The following IL1RAPL2 variants were observed in gnomAD, a reference collection of about 807,000 sequenced individuals.
IL1RAPL2 encodes the protein X-linked interleukin-1 receptor accessory protein-like 2.
IL1RAPL2 carries 3 observed loss-of-function variants against 44.1 expected under a neutral mutation model. The observed-to-expected ratio is 0.07, with a 90% confidence interval of 0.03 to 0.18. The LOEUF (loss-of-function observed/expected upper bound fraction) is 0.18. IL1RAPL2 is among the 10% of genes least tolerant of loss of function. The pLI is 1.00. For missense variants in IL1RAPL2, 391 were observed against 496.4 expected, an observed-to-expected ratio of 0.79 and a Z score of 2.02; for synonymous variants, 181 against 178.8, an observed-to-expected ratio of 1.01 and a Z score of -0.10.
At chrX:104,851,611 C>T (rs1430535561) in intron 2 of IL1RAPL2, among the ~76,000 whole-genome samples, 1 of 111,777 alleles carries the variant, frequency 8.9e-6, no homozygotes, top group Non-Finnish European at 1.9e-5. Flanking sequence ...TCAGTCATTG[C>T]TGCATTCAAT....
intron 2 of IL1RAPL2, among the ~76,000 whole-genome samples, chrX:104,664,200 A>G (rs2148025659): frequency 9.0e-6 from 1 of 110,720 alleles, no homozygotes; most frequent in South Asian, 3.9e-4. Flanking sequence ...TCCATTATCA[A>G]CTCTGTAGTG....
At chrX:104,990,628 T>A (rs1418228495) in intron 2 of IL1RAPL2, among the ~76,000 whole-genome samples, 1 of 111,799 alleles carries the variant, frequency 8.9e-6, no homozygotes, top group Non-Finnish European at 1.9e-5. Context: ...AAGGTAATCT[T>A]GTAATGCTTT....
At chrX:104,642,666 T>C (rs1236656244) in intron 1 of IL1RAPL2, among the ~76,000 whole-genome samples, 1 of 110,771 alleles carries the variant, frequency 9.0e-6, no homozygotes, top group Admixed American at 9.6e-5. Context: ...TTGTATTTTT[T>C]AGTAGAGACA....
intron 2 of IL1RAPL2, among the ~76,000 whole-genome samples, chrX:104,861,710 TG>T (rs940445116): frequency 9.0e-6 from 1 of 111,700 alleles, no homozygotes; most frequent in Non-Finnish European, 1.9e-5. Flanking sequence ...GCATAGTATT[TG>T]CATATAACCC....
chrX:104,827,569 A>T lies in IL1RAPL2; in HGVS notation c.82+168574A>T, dbSNP rs757343597. On this transcript the variant is annotated intron_variant, in intron 2 of 10. Coordinates refer to ENST00000372582, the MANE Select transcript of IL1RAPL2 (RefSeq NM_017416.2). ...GGCTGCTCTTAACATTTTTTCCTTC[A>T]TTTCGACCTTGGTGAATCTGACAAT... Among the ~76,000 whole-genome samples, 308 of 110,268 alleles carry T rather than the reference A, an allele frequency of 2.8e-3. 1 individual carries two copies. Among genetic ancestry groups the T allele is most frequent in the African/African-American group, 9.6e-3 (291 of 30,281 alleles).
At chrX:105,082,880 A>G (rs916803031) in intron 2 of IL1RAPL2, among the ~76,000 whole-genome samples, 6 of 111,349 alleles carry the variant, frequency 5.4e-5, no homozygotes, top group Non-Finnish European at 1.1e-4. Context: ...TCCAAAAACC[A>G]GAATACCTCT....
intron 5 of IL1RAPL2, among the ~76,000 whole-genome samples, chrX:105,383,871 T>C: frequency 8.9e-6 from 1 of 111,847 alleles, no homozygotes; most frequent in Admixed American, 9.5e-5. Flanking sequence ...ATGTGGAAAA[T>C]TTTTTTCATA....
intron 5 of IL1RAPL2, among the ~76,000 whole-genome samples, chrX:105,275,467 G>C (rs939466975): frequency 3.6e-5 from 4 of 111,558 alleles, no homozygotes; most frequent in Non-Finnish European, 7.5e-5. Context: ...TTTTTCCATT[G>C]TTTATTTTTT....
chrX:104,738,182 T>A lies in IL1RAPL2; in HGVS notation c.82+79187T>A, dbSNP rs368526867. Among the ~76,000 whole-genome samples the A allele has an allele frequency of 8.0e-5, 9 of 112,176 alleles. No homozygotes were observed. The South Asian group carries it at 3.0e-3, about 37-fold the overall frequency. ...ACACCACATTTGTTTCAGAATAGGG[T>A]CATTGTAGAATTTATTGTCCAAACC... On this transcript the variant is annotated intron_variant, in intron 2 of 10. Transcript: ENST00000372582.
chrX:105,045,437 CAG>C lies in IL1RAPL2; in HGVS notation c.83-150033_83-150032del, dbSNP rs780043126. Among the ~76,000 whole-genome samples the C allele has an allele frequency of 2.7e-5, 3 of 112,082 alleles. No individual in the cohort carries two copies. In the South Asian group the frequency reaches 1.1e-3, roughly 42 times the overall value. ...GAGGCAAACATCAGAAGAAAAAGAG[CAG>C]AGAGTTGGATGTTGTTTACTTTGGG... On this transcript the variant is annotated intron_variant, in intron 2 of 10. Transcript: ENST00000372582.
chrX:105,470,794 A>G (rs2036160756), intron 5 of IL1RAPL2, among the ~76,000 whole-genome samples: 1 of 111,799 alleles, frequency 8.9e-6, no homozygotes, highest in African/African-American at 3.2e-5. Flanking sequence ...ATCTATTTGT[A>G]CAAGTACTGT....
chrX:105,722,420 C>T (rs1031145871), intron 7 of IL1RAPL2, among the ~76,000 whole-genome samples: 8 of 111,206 alleles, frequency 7.2e-5, no homozygotes, highest in African/African-American at 2.3e-4. Flanking sequence ...ACTAATTAAC[C>T]ATGTCTTCTA....
At chrX:105,105,829 T>C (rs2032733637) in intron 2 of IL1RAPL2, among the ~76,000 whole-genome samples, 1 of 112,091 alleles carries the variant, frequency 8.9e-6, no homozygotes, top group Non-Finnish European at 1.9e-5. Flanking sequence ...CAGCCCCCAA[T>C]TCGATATTTC....
chrX:105,245,288 T>G (rs936941171), intron 4 of IL1RAPL2, among the ~76,000 whole-genome samples: 2 of 111,924 alleles, frequency 1.8e-5, no homozygotes, highest in African/African-American at 6.5e-5. Flanking sequence ...CGTTTTGAGT[T>G]TCCTGGGCTG....
intron 1 of IL1RAPL2, among the ~76,000 whole-genome samples, chrX:104,603,338 G>A (rs1928927892): frequency 9.0e-6 from 1 of 111,693 alleles, no homozygotes; most frequent in Admixed American, 9.5e-5. Context: ...AATCCACAAA[G>A]ATGGGGAGAA....
intron 6 of IL1RAPL2, among the ~76,000 whole-genome samples, chrX:105,587,908 G>A (rs900211264): frequency 5.4e-5 from 6 of 110,593 alleles, no homozygotes; most frequent in Non-Finnish European, 7.6e-5. Context: ...GCACAGTGGC[G>A]CATGCCTGTA....
chrX:105,702,900 T>C (rs1419456595), intron 6 of IL1RAPL2, among the ~76,000 whole-genome samples: 1 of 112,099 alleles, frequency 8.9e-6, no homozygotes, highest in Non-Finnish European at 1.9e-5. Flanking sequence ...GCAGGTTATA[T>C]ACTTCAGTCT....
At chrX:104,967,179 A>G (rs1480618989) in intron 2 of IL1RAPL2, among the ~76,000 whole-genome samples, 9 of 112,206 alleles carry the variant, frequency 8.0e-5, no homozygotes, top group Non-Finnish European at 1.7e-4. Flanking sequence ...AACTACCAAT[A>G]CATTTAAAGA....
intron 5 of IL1RAPL2, among the ~76,000 whole-genome samples, chrX:105,353,963 C>T (rs1266380223): frequency 9.0e-6 from 1 of 110,888 alleles, no homozygotes; most frequent in Admixed American, 9.6e-5. Flanking sequence ...GAACTTCCAA[C>T]ACTATGTTGA....
Sources: gnomAD v4.1 joint callset for allele counts (sites outside exome capture counted in the v4.1 genomes callset) on GRCh38, gnomAD v4.1.1 for gene constraint, MANE v1.5 for transcripts, NCBI Gene and HGNC (gene_info 2026-07-23, HGNC 2026-07-21) for gene names.